The following AGBL1 variants were observed in gnomAD, a reference collection of about 807,000 sequenced individuals.
AGBL1 encodes AGBL carboxypeptidase 1.
In AGBL1, 130 loss-of-function variants were observed where a neutral mutation model predicts 118.9. The ratio of observed to expected loss-of-function variants is 1.09; its 90% CI spans 0.95 to 1.26. AGBL1 has a LOEUF of 1.26. Among genes scored for constraint, AGBL1 ranks in the 50% most tolerant of loss-of-function variants. AGBL1 has a pLI of 0.00. For missense variants in AGBL1, 1,584 were observed against 1,298.1 expected (o/e 1.22, Z -3.38); for synonymous variants, 555 against 478.9 (o/e 1.16, Z -2.08).
At chr15:86,246,064 T>G (rs2078715484) in intron 6 of AGBL1, among the ~76,000 whole-genome samples, 1 of 152,140 alleles carries the variant, frequency 6.6e-6, no homozygotes, top group South Asian at 2.1e-4. Context: ...TTTTATTTTT[T>G]GTGGAGATGG....
intron 3 of AGBL1, among the ~76,000 whole-genome samples, chr15:86,144,585 T>C (rs2077008194): frequency 6.6e-6 from 1 of 152,170 alleles, no homozygotes; most frequent in Non-Finnish European, 1.5e-5. Flanking sequence ...TACCTCATGC[T>C]GTCACTTACA....
At chr15:86,700,818 A>G (rs2086345155) in intron 22 of AGBL1, among the ~76,000 whole-genome samples, 1 of 152,094 alleles carries the variant, frequency 6.6e-6, no homozygotes, top group African/African-American at 2.4e-5. Context: ...TGATACCATG[A>G]AAGTTGAGAT....
intron 22 of AGBL1, among the ~76,000 whole-genome samples, chr15:86,822,022 C>G (rs2078949079): frequency 2.6e-5 from 4 of 152,152 alleles, no homozygotes. Flanking sequence ...GCCACAGTAC[C>G]TGTTCAGTGT....
Position 86,316,323 on chromosome 15 carries a change from G to A in AGBL1, c.2374+20915G>A, listed in dbSNP as rs557979240. On this transcript the variant is annotated intron_variant, in intron 17 of 22. Transcript: ENST00000614907. ...AAATGATTCCTTAGAACTTTGAGCT[G>A]TGCTTGATTCATTTTTTCTTGTATT... is the stretch of plus-strand genomic sequence containing the variant. Among the ~76,000 whole-genome samples, 17 of 152,280 alleles carry A rather than the reference G, an allele frequency of 1.1e-4. No homozygotes were observed. In the East Asian group the frequency reaches 2.5e-3, roughly 23 times the overall value.
chr15:86,772,968 C>T (rs1039339231), intron 22 of AGBL1, among the ~76,000 whole-genome samples: 1 of 151,950 alleles, frequency 6.6e-6, no homozygotes, highest in East Asian at 1.9e-4. Context: ...AACCAGTGAA[C>T]CCTTAACGTG....
intron 22 of AGBL1, among the ~76,000 whole-genome samples, chr15:86,812,005 A>G (rs538792055): frequency 1.3e-5 from 2 of 152,328 alleles, no homozygotes; most frequent in Admixed American, 1.3e-4. Context: ...CAATCAACAT[A>G]TAAGAACGCA....
chr15:86,597,718 A>G (rs1014611362), intron 21 of AGBL1, among the ~76,000 whole-genome samples: 2 of 152,196 alleles, frequency 1.3e-5, no homozygotes, highest in Non-Finnish European at 2.9e-5. Flanking sequence ...GTCAGCTACT[A>G]TCACTTGTGT....
In AGBL1 at chr15:86,406,511, T is replaced by C. The variant is rs150576710; in HGVS notation, c.2555+8965T>C. ...CTTAAGGAAGAAATTTAAAGGCACC[T>C]AAATTCAGGACTATTGCATTGTATA... On this transcript the variant is annotated intron_variant, in intron 18 of 22. Transcript: ENST00000614907. 2.6e-3 allele frequency among the ~76,000 whole-genome samples: 395 copies of C among 152,338 alleles called. 2 individuals are homozygous for C. Among genetic ancestry groups the C allele is most frequent in the African/African-American group, 7.1e-3 (294 of 41,584 alleles).
intron 7 of AGBL1, among the ~76,000 whole-genome samples, chr15:86,250,083 C>A (rs980539494): frequency 6.6e-6 from 1 of 152,106 alleles, no homozygotes; most frequent in African/African-American, 2.4e-5. Flanking sequence ...TATGGAAAAG[C>A]AGTTCAGGAG....
At chr15:86,636,759 A>ATATAT (rs377363344) in intron 21 of AGBL1, among the ~76,000 whole-genome samples, 2 of 59,266 alleles carry the variant, frequency 3.4e-5, no homozygotes, top group African/African-American at 2.0e-4. Context: ...ATATATATAT[A>ATATAT]CACATACATA....
intron 23 of AGBL1, among the ~76,000 whole-genome samples, chr15:86,925,895 T>A (rs1449059982): frequency 1.3e-5 from 2 of 151,858 alleles, no homozygotes; most frequent in African/African-American, 4.8e-5. Flanking sequence ...CATGCCCGGC[T>A]AATTTTCTGT....
chr15:86,142,704 T>C (rs4887198), intron 2 of AGBL1, among the ~76,000 whole-genome samples: 70,611 of 151,954 alleles, frequency 0.46, 17,374 homozygotes, highest in African/African-American at 0.64. Context: ...AGGGGCCCAT[T>C]GTATTGGGGT....
chr15:86,788,182 T>C (rs1219950035), intron 22 of AGBL1, among the ~76,000 whole-genome samples: 2 of 152,226 alleles, frequency 1.3e-5, no homozygotes, highest in African/African-American at 4.8e-5. Flanking sequence ...GCCAAGCCCT[T>C]GGAAGGACTT....
At chr15:86,257,401 A>G (rs998850570) in intron 8 of AGBL1, among the ~76,000 whole-genome samples, 10 of 152,238 alleles carry the variant, frequency 6.6e-5, no homozygotes, top group Non-Finnish European at 1.5e-5. Flanking sequence ...CTTGTTATTT[A>G]CAACTGCAGG....
chr15:86,288,579 T>C (rs934544119), intron 16 of AGBL1, among the ~76,000 whole-genome samples: 1 of 152,122 alleles, frequency 6.6e-6, no homozygotes, highest in Non-Finnish European at 1.5e-5. Context: ...AAATGTGATT[T>C]GTATAATTTC....
At chr15:86,604,677 T>A (rs1296916571) in intron 21 of AGBL1, among the ~76,000 whole-genome samples, 1 of 152,182 alleles carries the variant, frequency 6.6e-6, no homozygotes, top group African/African-American at 2.4e-5. Flanking sequence ...CTTTTCTACT[T>A]CTTAGTAGTT....
At position 86,264,305 on chromosome 15, in the gene AGBL1, G is replaced by A. The variant is rs375590503; in HGVS notation, c.1134G>A (p.Gln378=). Residue 378 remains glutamine (Q), a synonymous_variant, in exon 11 of 23, where the codon CAG becomes CAA. Coordinates refer to ENST00000614907, the MANE Select transcript of AGBL1 (RefSeq NM_001386094.1). ...LGDDLNSEKT[Q]YANHHHIPAA... ...ATGATTTGAACTCTGAAAAGACTCA[G>A]TATGCCAATCACCACCACATTCCAG... The A allele has an allele frequency of 3.5e-5, 56 of 1,609,748 alleles. 1 individual carries two copies. The African/African-American group carries it at 6.4e-4, about 18-fold the overall frequency.
At chr15:86,605,225 T>C (rs62012510) in intron 21 of AGBL1, among the ~76,000 whole-genome samples, 4,217 of 152,288 alleles carry the variant, frequency 0.028, 108 homozygotes, top group East Asian at 0.13. Context: ...TCCTTCAGCT[T>C]TTATCAACAA....
At chr15:86,648,788 A>G in intron 21 of AGBL1, among the ~76,000 whole-genome samples, 1 of 152,192 alleles carries the variant, frequency 6.6e-6, no homozygotes, top group East Asian at 1.9e-4. Flanking sequence ...GAATATTGTA[A>G]TGAAGAATAA....
Sources: allele counts gnomAD v4.1 joint callset (sites outside exome capture counted in the v4.1 genomes callset), GRCh38; gene constraint gnomAD v4.1.1; transcripts MANE v1.5; gene names NCBI Gene and HGNC (gene_info 2026-07-23, HGNC 2026-07-21).